The following MMADHC variants were observed in gnomAD, a reference collection of about 807,000 sequenced individuals.
MMADHC encodes metabolism of cobalamin associated D.
In MMADHC, 23 loss-of-function variants were observed where a neutral mutation model predicts 36.3. The ratio of observed to expected loss-of-function variants is 0.63; its 90% CI spans 0.46 to 0.90. The LOEUF is 0.90. Among genes scored for constraint, MMADHC ranks in the 40% least tolerant of loss-of-function variants. The probability of loss-of-function intolerance (pLI) is 0.00; values close to 1 mark genes in which losing one functional copy is unlikely to be tolerated. For synonymous variants in MMADHC, 97 were observed against 116.1 expected, an observed-to-expected ratio of 0.84 and a Z score of 1.06; for missense variants, 330 against 348.0, an observed-to-expected ratio of 0.95 and a Z score of 0.41.
chr2:149,584,823 T>A (rs1054961065), intron 2 of MMADHC, among the ~76,000 whole-genome samples: 4 of 151,632 alleles, frequency 2.6e-5, no homozygotes, highest in Admixed American at 6.6e-5. Context: ...CGAAGGTGGG[T>A]GGATTACCTG....
chr2:149,584,612 T>G (rs1033611307), intron 2 of MMADHC, among the ~76,000 whole-genome samples: 42 of 152,230 alleles, frequency 2.8e-4, no homozygotes, highest in Admixed American at 2.7e-3. Context: ...TAATAAAATA[T>G]GAGTTTTGTT....
At chr2:149,572,036 T>C (rs573128110) in intron 6 of MMADHC, among the ~76,000 whole-genome samples, 16 of 152,132 alleles carry the variant, frequency 1.1e-4, no homozygotes, top group Non-Finnish European at 1.9e-4. Flanking sequence ...TCTCTGTTTT[T>C]TGTATAGTGT....
intron 3 of MMADHC, 50 bp downstream of exon 3, chr2:149,582,077 A>G: frequency 1.2e-6 from 2 of 1,601,642 alleles, no homozygotes; most frequent in Non-Finnish European, 1.7e-6. Flanking sequence ...AAATACAACT[A>G]AAAATGTTTT....
intron 2 of MMADHC, among the ~76,000 whole-genome samples, chr2:149,583,874 A>G (rs1682827041): frequency 6.6e-6 from 1 of 152,078 alleles, no homozygotes; most frequent in Admixed American, 6.6e-5. Context: ...ATTTCTCTTC[A>G]TTCTTTATAC....
chr2:149,585,232 A>T (rs999170052), intron 2 of MMADHC, among the ~76,000 whole-genome samples: 1 of 152,182 alleles, frequency 6.6e-6, no homozygotes, highest in Non-Finnish European at 1.5e-5. Flanking sequence ...GAGGAAAAGC[A>T]TTTATTTTAT....
At chr2:149,570,413 C>T (rs1260309750) in intron 7 of MMADHC, among the ~76,000 whole-genome samples, 2 of 152,102 alleles carry the variant, frequency 1.3e-5, no homozygotes, top group Non-Finnish European at 2.9e-5. Context: ...ATATTGCATC[C>T]TTTGAAGATG....
intron 2 of MMADHC, 62 bp downstream of exon 2, chr2:149,587,027 T>C (rs1263510328): frequency 6.5e-6 from 10 of 1,535,602 alleles, no homozygotes; most frequent in Non-Finnish European, 9.0e-6. Flanking sequence ...AAACCCGTTC[T>C]TTCATTCCTA....
At chr2:149,570,792 A>G (rs1274259994) in intron 7 of MMADHC, among the ~76,000 whole-genome samples, 2 of 152,196 alleles carry the variant, frequency 1.3e-5, no homozygotes, top group Non-Finnish European at 2.9e-5. Flanking sequence ...ATAATTTTCA[A>G]CATATAAAAT....
At chr2:149,572,203 T>C (rs1682650439) in intron 6 of MMADHC, 1 of 426,632 alleles carries the variant, frequency 2.3e-6, no homozygotes. Flanking sequence ...AGATCATGAA[T>C]GTTTAAAAAC....
At chr2:149,581,563 G>GA (rs2105049553) in intron 3 of MMADHC, among the ~76,000 whole-genome samples, 1 of 152,248 alleles carries the variant, frequency 6.6e-6, no homozygotes, top group African/African-American at 2.4e-5. Context: ...ACCTACCACA[G>GA]AGACTATCCC....
At chr2:149,582,071 A>T in intron 3 of MMADHC, 56 bp downstream of exon 3, 1 of 1,591,680 alleles carries the variant, frequency 6.3e-7, no homozygotes, top group Non-Finnish European at 8.6e-7. Flanking sequence ...AGAGGAAAAT[A>T]CAACTAAAAA....
rs781419146 is a variant in MMADHC, at chr2:149,571,120, A to T, written c.661T>A (p.Trp221Arg). Reference sequence around the variant, plus strand: ...GATGATGGGTCAATAAAGTCAGCCCAATAACCCTCAGCTCGAAGAGCATAG... The same window carrying T: ...GATGATGGGTCAATAAAGTCAGCCCTATAACCCTCAGCTCGAAGAGCATAG... ...ICYALRAEGY[W>R]ADFIDPSSGL... Residue 221 changes from tryptophan (W) to arginine (R), a missense_variant, in exon 7 of 8, where the codon TGG becomes AGG. Transcript: ENST00000303319. 5 of 1,612,786 alleles carry T rather than the reference A, an allele frequency of 3.1e-6. No homozygotes were observed. The highest frequency in any genetic ancestry group is 3.4e-6 in the Non-Finnish European group (4 of 1,179,124).
chr2:149,578,925 A>C (rs1198732059), intron 4 of MMADHC, among the ~76,000 whole-genome samples: 1 of 151,318 alleles, frequency 6.6e-6, no homozygotes, highest in Non-Finnish European at 1.5e-5. Flanking sequence ...AAATGAAAAA[A>C]AAAAACCCAA....
intron 6 of MMADHC, chr2:149,572,202 A>G: frequency 2.3e-6 from 1 of 427,246 alleles, no homozygotes; most frequent in Non-Finnish European, 4.6e-6. Context: ...GAGATCATGA[A>G]TGTTTAAAAA....
At chr2:149,580,472 A>T (rs1409212537) in intron 3 of MMADHC, among the ~76,000 whole-genome samples, 3 of 151,978 alleles carry the variant, frequency 2.0e-5, no homozygotes, top group South Asian at 4.2e-4. Flanking sequence ...TTAAAACTTT[A>T]AAAAAAATCC....
In MMADHC at chr2:149,569,946, T is replaced by C. The variant is rs1682613328; in HGVS notation, c.*28A>G. 2 of 1,596,052 alleles carry C rather than the reference T, an allele frequency of 1.3e-6. No homozygotes were observed. Among genetic ancestry groups the C allele is most frequent in the South Asian group, 1.1e-5 (1 of 90,576 alleles). On this transcript the variant is annotated 3_prime_UTR_variant, in exon 8 of 8. Coordinates refer to ENST00000303319, the MANE Select transcript of MMADHC (RefSeq NM_015702.3). ...GATCAACCCAAATATTACATACAAA[T>C]AGTACAGCAAATGAATGGATATTTC... is the stretch of plus-strand genomic sequence containing the variant.
At chr2:149,576,364 T>C (rs775882307) in intron 5 of MMADHC, 73 bp downstream of exon 5, 2 of 1,041,680 alleles carry the variant, frequency 1.9e-6, no homozygotes, top group Non-Finnish European at 3.0e-6. Context: ...AGCGTTCCAA[T>C]TTCTATAGAG....
chr2:149,570,281 A>T (rs1573873959), intron 7 of MMADHC, 113 bp from the exon 8 acceptor site: 1 of 926,826 alleles, frequency 1.1e-6, no homozygotes. Flanking sequence ...TAAAAAACTA[A>T]ATAAGTAAAA....
In MMADHC at chr2:149,582,261, T is replaced by C. The variant is rs1389820565; in HGVS notation, c.20A>G (p.Asn7Ser). The C allele has an allele frequency of 6.2e-7, 1 of 1,613,746 alleles. No individual in the cohort carries two copies. Among genetic ancestry groups the C allele is most frequent in the Non-Finnish European group, 8.5e-7 (1 of 1,179,782 alleles). The part of the protein sequence containing the change: MANVLC[N>S]RARLVSYLPG... ...GAGATAGGAAACCAGTCTGGCTCTG[T>C]TACAAAGCACCTAGAAATGACACAA... is the stretch of plus-strand genomic sequence containing the variant. The change falls in exon 3 of 8, where the codon AAC becomes AGC. Residue 7 changes from asparagine (N) to serine (S), a missense_variant. Physicochemically the swap from Asn to Ser is conservative, Grantham distance 46. Transcript: ENST00000303319.
Sources: allele counts gnomAD v4.1 joint callset (sites outside exome capture counted in the v4.1 genomes callset), GRCh38; gene constraint gnomAD v4.1.1; transcripts MANE v1.5; gene names NCBI Gene and HGNC (gene_info 2026-07-23, HGNC 2026-07-21).